The following ELF2 variants were observed in gnomAD, a reference collection of about 807,000 sequenced individuals.
The protein encoded by ELF2 is ETS-related transcription factor Elf-2.
Under a neutral mutation model 54.8 loss-of-function variants are expected in ELF2, and 11 were observed. The ratio of observed to expected loss-of-function variants is 0.20; its 90% confidence interval spans 0.13 to 0.33. The LOEUF is 0.33. Among genes scored for constraint, ELF2 ranks in the 10% least tolerant of loss-of-function variants. The probability of loss-of-function intolerance (pLI) is 1.00; values close to 1 mark genes in which losing one functional copy is unlikely to be tolerated. For synonymous variants in ELF2, 203 were observed against 245.1 expected (o/e 0.83, Z 1.61); for missense variants, 513 against 703.0 (o/e 0.73, Z 3.06).
intron 1 of ELF2, among the ~76,000 whole-genome samples, chr4:139,173,821 C>T (rs950711199): frequency 6.6e-6 from 1 of 150,980 alleles, no homozygotes; most frequent in Non-Finnish European, 1.5e-5. Context: ...GGTGCAGTGG[C>T]TCAAGCCTGA....
rs377054258 is a variant in ELF2, at chr4:139,115,092, C to T, written c.238+10072G>A. The T allele has an allele frequency of 2.5e-6, 4 of 1,613,954 alleles. No individual in the cohort carries two copies. The East Asian group carries it at 8.9e-5, about 36-fold the overall frequency. On this transcript the variant is annotated intron_variant, in intron 4 of 9. Transcript: ENST00000686138. ...TGTCCAGGAGCTCATCCACGTCAAT[C>T]TCCAGTTCTGGGATCTCCTCTTCCT...
chr4:139,066,641 C>A (rs575985967), intron 7 of ELF2: 3 of 151,770 alleles, frequency 2.0e-5, no homozygotes, highest in African/African-American at 7.2e-5. Flanking sequence ...AATCTCAGCA[C>A]TCTGGGAGTG....
At position 139,137,665 on chromosome 4, in the gene ELF2, A is replaced by G. The variant is rs935790110; in HGVS notation, c.37T>C (p.Leu13=). Residue 13 remains leucine, a synonymous_variant, in exon 3 of 10, where the codon TTG becomes CTG. Transcript: ENST00000686138. The stretch of plus-strand genomic sequence containing the variant: ...TCTACTCCATTGCTGGAAAGCTCCA[A>G]AATAGTACCTCCACTGTCAACCACT... ...SAVVDSGGTI[L]ELSSNGVENQ... The G allele has an allele frequency of 5.6e-6, 9 of 1,613,964 alleles. No homozygotes were observed. In the African/African-American group the frequency reaches 8.0e-5, roughly 14 times the overall value.
At chr4:139,110,450 AAC>A (rs1337879876) in intron 4 of ELF2, among the ~76,000 whole-genome samples, 1 of 152,224 alleles carries the variant, frequency 6.6e-6, no homozygotes, top group Non-Finnish European at 1.5e-5. Flanking sequence ...TGTTTCATGA[AAC>A]ACCTTTCTAA....
chr4:139,129,327 G>C (rs1383765224), intron 3 of ELF2, among the ~76,000 whole-genome samples: 1 of 152,134 alleles, frequency 6.6e-6, no homozygotes, highest in East Asian at 1.9e-4. Flanking sequence ...TATCCTCAGT[G>C]TCTCCTTTCT....
chr4:139,063,516 A>G lies in ELF2; in HGVS notation c.614-1459T>C, dbSNP rs1206868448. 2.6e-5 allele frequency among the ~76,000 whole-genome samples: 4 copies of G among 152,208 alleles called. No homozygotes were observed. In the East Asian group the frequency reaches 7.7e-4, roughly 29 times the overall value. On this transcript the variant is annotated intron_variant, in intron 7 of 9. Coordinates refer to ENST00000686138, the MANE Select transcript of ELF2 (RefSeq NM_001331036.3). The stretch of plus-strand genomic sequence containing the variant: ...ACTAGTAAAATTTTAAAATGAGGAA[A>G]TATTAGAATATTTCTGCAGAATAAA...
intron 4 of ELF2, among the ~76,000 whole-genome samples, chr4:139,089,408 C>G (rs937927296): frequency 2.6e-5 from 4 of 152,136 alleles, no homozygotes; most frequent in African/African-American, 9.7e-5. Context: ...AAATTGTTTT[C>G]CCCCAAGAAA....
Position 139,062,463 on chromosome 4 carries a change from G to A in ELF2, c.614-406C>T, listed in dbSNP as rs569606451. On this transcript the variant is annotated intron_variant, in intron 7 of 9. Coordinates refer to ENST00000686138, the MANE Select transcript of ELF2 (RefSeq NM_001331036.3). ...TGGGATTACAGGCGTGAGCCACTGT[G>A]TCCGGCCTGTTTCTACTTTTAAAAA... 2.6e-4 allele frequency among the ~76,000 whole-genome samples: 40 copies of A among 152,244 alleles called. No individual in the cohort carries two copies. In the South Asian group the frequency reaches 8.1e-3, roughly 31 times the overall value.
At chr4:139,151,036 G>GAAAGAAAAGAAAGAAAAGAAAGA in intron 1 of ELF2, among the ~76,000 whole-genome samples, 1 of 30,146 alleles carries the variant, frequency 3.3e-5, no homozygotes, top group South Asian at 2.0e-3. Context: ...AAAAAAAAAA[G>GAAAGAAAAGAAAGAAAAGAAAGA]AAAGAAAGAA....
chr4:139,160,338 G>T (rs1163516660), intron 1 of ELF2, among the ~76,000 whole-genome samples: 2 of 152,128 alleles, frequency 1.3e-5, no homozygotes, highest in Non-Finnish European at 2.9e-5. Context: ...TTTCTGCACA[G>T]CAAGTTATTT....
chr4:139,143,077 A>G lies in ELF2; in HGVS notation c.-251-3580T>C, dbSNP rs543930478. On this transcript the variant is annotated intron_variant, in intron 1 of 9. Transcript: ENST00000686138. Reference sequence around the variant, plus strand: ...TGCACTGGCAGAATCTACCTAATGTAACTATTTTGGAACCCTGGCTAAAGG... The same window carrying G: ...TGCACTGGCAGAATCTACCTAATGTGACTATTTTGGAACCCTGGCTAAAGG... 2.0e-5 allele frequency among the ~76,000 whole-genome samples: 3 copies of G among 152,264 alleles called. No individual in the cohort carries two copies. In the South Asian group the frequency reaches 6.2e-4, roughly 32 times the overall value.
intron 7 of ELF2, among the ~76,000 whole-genome samples, chr4:139,063,226 C>T (rs1208910095): frequency 6.6e-6 from 1 of 152,070 alleles, no homozygotes; most frequent in Non-Finnish European, 1.5e-5. Context: ...CCACTGCACT[C>T]CAGCCTGGGC....
intron 1 of ELF2, among the ~76,000 whole-genome samples, chr4:139,172,904 G>T (rs1030856573): frequency 1.7e-5 from 1 of 60,168 alleles, no homozygotes; most frequent in African/African-American, 6.1e-5. Context: ...GGGGGGGGGG[G>T]GCTATCATAT....
chr4:139,164,145 GAGAA>G (rs1159247584), intron 1 of ELF2, among the ~76,000 whole-genome samples: 124 of 144,142 alleles, frequency 8.6e-4, no homozygotes, highest in Middle Eastern at 3.8e-3. Context: ...AAAGAAGAGA[GAGAA>G]AGAAAGAAAG....
chr4:139,149,361 C>G (rs1163839688), intron 1 of ELF2, among the ~76,000 whole-genome samples: 1 of 152,176 alleles, frequency 6.6e-6, no homozygotes, highest in East Asian at 1.9e-4. Flanking sequence ...CCTGTAATCC[C>G]ATCACTTTGG....
At chr4:139,102,992 C>A (rs1306659193) in intron 4 of ELF2, among the ~76,000 whole-genome samples, 1 of 152,164 alleles carries the variant, frequency 6.6e-6, no homozygotes, top group Non-Finnish European at 1.5e-5. Context: ...AATCTGCCCA[C>A]CTCAGCCTCC....
rs867316955 is a variant in ELF2 at position 139,058,140 on chromosome 4, G to C, written c.*843C>G. ...CTGCACAAATGCCAAGGCTAAGTGA[G>C]TGACACAGGCATGTTACAGCAAAAG... On this transcript the variant is annotated 3_prime_UTR_variant, in exon 10 of 10. Transcript: ENST00000686138. 6.6e-6 allele frequency: 1 copy of C among 152,510 alleles called. No individual in the cohort carries two copies. The highest frequency in any genetic ancestry group is 1.5e-5 in the Non-Finnish European group (1 of 68,024). The allele number at this position is 152,510 out of a possible 1,614,324, so 9.4% of individuals were successfully genotyped here. A position where few individuals can be genotyped will look rare whatever the true frequency, so the allele number is the denominator to read the frequency against.
chr4:139,083,243 C>G (rs1731419550), intron 4 of ELF2, among the ~76,000 whole-genome samples: 1 of 152,136 alleles, frequency 6.6e-6, no homozygotes, highest in Non-Finnish European at 1.5e-5. Context: ...CCAAGACTCC[C>G]TCCCTCCCGC....
At chr4:139,091,914 T>C (rs1278098249) in intron 4 of ELF2, among the ~76,000 whole-genome samples, 3 of 149,306 alleles carry the variant, frequency 2.0e-5, no homozygotes, top group African/African-American at 4.9e-5. Context: ...ATATAGAGAA[T>C]ATATATACAC....
Sources: gnomAD v4.1 joint callset for allele counts (sites outside exome capture counted in the v4.1 genomes callset) on GRCh38, gnomAD v4.1.1 for gene constraint, MANE v1.5 for transcripts, NCBI Gene and HGNC (gene_info 2026-07-23, HGNC 2026-07-21) for gene names.